The following JADE2 variants were observed in gnomAD, a reference collection of about 807,000 sequenced individuals.
JADE2 encodes E3 ubiquitin-protein ligase Jade-2.
JADE2 carries 13 observed loss-of-function variants against 85.7 expected under a neutral mutation model. The observed-to-expected ratio is 0.15, with a 90% CI of 0.10 to 0.24. JADE2 has a LOEUF of 0.24. Ranked by LOEUF, JADE2 falls within the 10% of genes least tolerant of loss-of-function variation. JADE2 has a pLI of 1.00. For missense variants in JADE2, 846 were observed against 1,115.9 expected, an observed-to-expected ratio of 0.76 and a Z score of 3.45; for synonymous variants, 440 against 456.1, an observed-to-expected ratio of 0.96 and a Z score of 0.45.
At chr5:134,547,327 T>C (rs80042430) in intron 3 of JADE2, among the ~76,000 whole-genome samples, 2,114 of 152,344 alleles carry the variant, frequency 0.014, 46 homozygotes, top group African/African-American at 0.048. Context: ...TTCTTCATAC[T>C]GTTTGAAGAA....
At position 134,579,431 on chromosome 5, in the gene JADE2, T is replaced by C; in HGVS notation, c.*114T>C. The stretch of plus-strand genomic sequence containing the variant: ...TGTCCCAGACCCTCGAGGCTGCCAC[T>C]CCGTCGTGGTTTTATTTTTAATATA... On this transcript the variant is annotated 3_prime_UTR_variant, in exon 12 of 12. Transcript: ENST00000681547. The surrounding 1 kb of genome is among the most constrained non-coding windows in gnomAD (Gnocchi z 4.6). 1.3e-6 allele frequency: 1 copy of C among 767,828 alleles called. No individual in the cohort carries two copies. The highest frequency in any genetic ancestry group is 2.0e-6 in the Non-Finnish European group (1 of 489,996). The allele number at this position is 767,828 out of a possible 1,614,324, so 47.6% of individuals were successfully genotyped here.
In JADE2 at chr5:134,579,381, A is replaced by G. The variant is rs1764591149; in HGVS notation, c.*64A>G. 2.2e-5 allele frequency: 29 copies of G among 1,308,084 alleles called. No individual in the cohort carries two copies. Among genetic ancestry groups the G allele is most frequent in the Non-Finnish European group, 2.8e-5 (27 of 967,840 alleles). 81.0% of individuals were successfully genotyped at this position (1,308,084 alleles called of 1,614,324 possible). A position where few individuals can be genotyped will look rare whatever the true frequency, so the allele number is the denominator to read the frequency against. ...CCCACAAGGCCTCAGCCCAGTCACA[A>G]CTGCCATTTCCAGTCTCTGCTGAGT... On this transcript the variant is annotated 3_prime_UTR_variant, in exon 12 of 12. Transcript: ENST00000681547. This position sits in a 1 kb window ranked among gnomAD's most constrained non-coding sequence, Gnocchi z 4.6.
chr5:134,546,281 G>A (rs773851731), intron 3 of JADE2, among the ~76,000 whole-genome samples: 18 of 151,952 alleles, frequency 1.2e-4, no homozygotes, highest in African/African-American at 2.7e-4. Context: ...CAGTCCTCCC[G>A]CTTGAGCCCC....
At chr5:134,546,093 C>A (rs796555527) in intron 3 of JADE2, among the ~76,000 whole-genome samples, 108 of 152,322 alleles carry the variant, frequency 7.1e-4, no homozygotes, top group African/African-American at 2.5e-3. Context: ...TCATACAAAT[C>A]CTGGGATTCA....
At chr5:134,524,973 G>A (rs1278205401), upstream of JADE2, among the ~76,000 whole-genome samples, 1 of 152,112 alleles carries the variant, frequency 6.6e-6, no homozygotes, top group Non-Finnish European at 1.5e-5. Context: ...TCAGAAGCAG[G>A]GCCTAGGGCG....
At chr5:134,548,906 G>A (rs1336011460) in intron 3 of JADE2, among the ~76,000 whole-genome samples, 1 of 152,200 alleles carries the variant, frequency 6.6e-6, no homozygotes, top group Non-Finnish European at 1.5e-5. Flanking sequence ...TGGCCACTGG[G>A]TATATCCATG....
chr5:134,526,243 C>T (rs1760806371), intron 1 of JADE2: 2 of 985,236 alleles, frequency 2.0e-6, no homozygotes, highest in Non-Finnish European at 2.4e-6. Flanking sequence ...GAGTACAGTG[C>T]GGGGAGGCTG....
chr5:134,557,667 G>T (rs1763072062), intron 4 of JADE2, among the ~76,000 whole-genome samples: 1 of 89,876 alleles, frequency 1.1e-5, no homozygotes, highest in African/African-American at 4.3e-5. Flanking sequence ...TACTGAGAAT[G>T]ATGGTTTCCA....
At chr5:134,559,101 T>A (rs1218953352) in intron 4 of JADE2, among the ~76,000 whole-genome samples, 1 of 152,176 alleles carries the variant, frequency 6.6e-6, no homozygotes, top group Non-Finnish European at 1.5e-5. Context: ...CGGGTAACAC[T>A]GTGTAGCAGG....
rs1376532794 is a variant in JADE2 at position 134,562,031 on chromosome 5, C to G, written c.685-169C>G. 1.3e-5 allele frequency among the ~76,000 whole-genome samples: 2 copies of G among 152,116 alleles called. No homozygotes were observed. The highest frequency in any genetic ancestry group is 2.4e-5 in the African/African-American group (1 of 41,426). On this transcript the variant is annotated intron_variant, in intron 6 of 11. Coordinates refer to ENST00000681547, the MANE Select transcript of JADE2 (RefSeq NM_001388185.1). This position sits in a 1 kb window ranked among gnomAD's most constrained non-coding sequence, Gnocchi z 4.6. The stretch of plus-strand genomic sequence containing the variant: ...CAGGCCAAGGAGGGCTTTCCAGGAG[C>G]CCTTCCTTCCTTCCTTGCATTGTAA...
chr5:134,528,256 CAA>C (rs1761001814), intron 1 of JADE2, among the ~76,000 whole-genome samples: 1 of 152,126 alleles, frequency 6.6e-6, no homozygotes, highest in Non-Finnish European at 1.5e-5. Flanking sequence ...GGACATTTGG[CAA>C]AAGGGCTCGG....
chr5:134,543,960 C>T (rs928995163), intron 3 of JADE2, among the ~76,000 whole-genome samples: 8 of 152,182 alleles, frequency 5.3e-5, no homozygotes, highest in Non-Finnish European at 1.0e-4. Context: ...TGCCCCACCC[C>T]GGACTTGCCG....
intron 11 of JADE2, 49 bp downstream of exon 11, chr5:134,576,945 C>T (rs1415649042): frequency 5.4e-6 from 8 of 1,494,192 alleles, no homozygotes; most frequent in Non-Finnish European, 7.1e-6. Flanking sequence ...TTGACCATCA[C>T]CACGCTTGCA....
intron 3 of JADE2, among the ~76,000 whole-genome samples, chr5:134,551,759 C>G (rs1266171493): frequency 6.6e-6 from 1 of 152,130 alleles, no homozygotes; most frequent in Admixed American, 6.6e-5. Context: ...CTCTGCCAGT[C>G]TTTCTTTCTC....
rs146154632 is a variant in JADE2 at position 134,571,073 on chromosome 5, G to A, written c.1435-2572G>A. On this transcript the variant is annotated intron_variant, in intron 9 of 11. Coordinates refer to ENST00000681547, the MANE Select transcript of JADE2 (RefSeq NM_001388185.1). ...TTCCTGCCGGAGGCTCTGCGGGGGA[G>A]TCTCTCCGTGCCTCCCAGCTTCTGG... Among the ~76,000 whole-genome samples, 10 of 152,350 alleles carry A rather than the reference G, an allele frequency of 6.6e-5. No individual in the cohort carries two copies. The East Asian group carries it at 1.7e-3, about 26-fold the overall frequency.
intron 1 of JADE2, among the ~76,000 whole-genome samples, chr5:134,532,129 C>T (rs1761286372): frequency 1.3e-5 from 2 of 151,968 alleles, no homozygotes; most frequent in Non-Finnish European, 1.5e-5. Context: ...AAGTGAGCCA[C>T]CTGCTTTGGC....
At chr5:134,525,314 C>G (rs980276006), upstream of JADE2, among the ~76,000 whole-genome samples, 1 of 151,942 alleles carries the variant, frequency 6.6e-6, no homozygotes, top group Non-Finnish European at 1.5e-5. Context: ...GGGACTTGCA[C>G]GGGCGCAGCC....
At chr5:134,549,330 C>T (rs376741162) in intron 3 of JADE2, among the ~76,000 whole-genome samples, 4 of 152,146 alleles carry the variant, frequency 2.6e-5, no homozygotes, top group African/African-American at 7.2e-5. Flanking sequence ...TCAAGACCAA[C>T]CTGGCCAACA....
intron 3 of JADE2, among the ~76,000 whole-genome samples, chr5:134,539,717 G>A (rs1243820443): frequency 6.6e-6 from 1 of 152,250 alleles, no homozygotes; most frequent in African/African-American, 2.4e-5. Context: ...CGGGGCCCTC[G>A]TCATGGGTTG....
Sources: gnomAD v4.1 joint callset for allele counts (sites outside exome capture counted in the v4.1 genomes callset) on GRCh38, gnomAD v4.1.1 for gene constraint, Gnocchi (gnomAD v3.1) non-coding constraint, MANE v1.5 for transcripts, NCBI Gene and HGNC (gene_info 2026-07-23, HGNC 2026-07-21) for gene names.